Variants in SLC29A3 observed in about 807,000 individuals in gnomAD.
The protein encoded by SLC29A3 is solute carrier family 29 member 3.
A neutral mutation model predicts 25.4 loss-of-function variants in SLC29A3; 18 were observed. The observed-to-expected ratio is 0.71, with a 90% confidence interval of 0.49 to 1.05. The LOEUF is 1.05. Among genes scored for constraint, SLC29A3 ranks in the 50% least tolerant of loss-of-function variants. The probability of loss-of-function intolerance (pLI) is 0.00; values close to 1 mark genes in which losing one functional copy is unlikely to be tolerated. For missense variants in SLC29A3, 586 were observed against 609.0 expected, an observed-to-expected ratio of 0.96 and a Z score of 0.40; for synonymous variants, 258 against 267.1, an observed-to-expected ratio of 0.97 and a Z score of 0.33.
At chr10:71,364,919 C>T (rs772584056), downstream of SLC29A3, 1 of 152,216 alleles carries the variant, frequency 6.6e-6, no homozygotes, top group Non-Finnish European at 1.5e-5. Context: ...TCATCTCAAC[C>T]ACAAGTGTTT....
chr10:71,367,738 G>A (rs550844176), downstream of SLC29A3, among the ~76,000 whole-genome samples: 1 of 152,298 alleles, frequency 6.6e-6, no homozygotes, highest in Admixed American at 6.5e-5. Flanking sequence ...CTGACCCATT[G>A]GCCCTGTGCT....
intron 5 of SLC29A3, among the ~76,000 whole-genome samples, chr10:71,359,739 G>T (rs1474235773): frequency 6.6e-6 from 1 of 152,326 alleles, no homozygotes; most frequent in South Asian, 2.1e-4. Context: ...AGAGAGGGGT[G>T]TGCCTGGCCC....
intron 5 of SLC29A3, among the ~76,000 whole-genome samples, chr10:71,359,453 C>T (rs1160742295): frequency 6.6e-6 from 1 of 152,196 alleles, no homozygotes; most frequent in Admixed American, 6.5e-5. Context: ...TTCCTGAGAG[C>T]AGACTTAAGG....
chr10:71,343,586 G>A (rs891094433), intron 2 of SLC29A3, among the ~76,000 whole-genome samples: 2 of 152,182 alleles, frequency 1.3e-5, no homozygotes, highest in African/African-American at 4.8e-5. Context: ...GAGTTTCCCT[G>A]TAGGGAGCAG....
At chr10:71,374,520 GGT>G (rs35500481) in intron 3 of SLC29A3, among the ~76,000 whole-genome samples, 2 of 151,588 alleles carry the variant, frequency 1.3e-5, no homozygotes, top group African/African-American at 2.4e-5. Context: ...TCCATGTTGG[GGT>G]GTGTGTGTGT....
chr10:71,379,377 G>A lies in SLC29A3; in HGVS notation c.*212-389G>A, dbSNP rs143297814. On this transcript the variant is annotated intron_variant and NMD_transcript_variant, in intron 4 of 4. Transcript: ENST00000642772. ...TTCCATGGCACTAAACCCAAACTAA[G>A]TAGTTACCTGAAAAGAGGTAACAGC... 3.8e-3 allele frequency among the ~76,000 whole-genome samples: 583 copies of A among 152,294 alleles called. 18 individuals are homozygous for A. Among genetic ancestry groups the A allele is most frequent in the Non-Finnish European group, 6.2e-4 (42 of 68,026 alleles).
exon 4 of SLC29A3, chr10:71,375,768 G>A (rs984000416): frequency 6.6e-6 from 1 of 152,220 alleles, no homozygotes; most frequent in African/African-American, 2.4e-5. Context: ...GAAGAACACA[G>A]ACGGCTGTCT....
chr10:71,365,242 A>G (rs1847160350), downstream of SLC29A3: 1 of 151,330 alleles, frequency 6.6e-6, no homozygotes, highest in African/African-American at 2.5e-5. Context: ...AAAAAGAAAA[A>G]AAGAAAGAAA....
chr10:71,379,445 A>G lies in SLC29A3; in HGVS notation c.*212-321A>G, dbSNP rs188658386. ...CAGTTCAAATCTCAATGGTCACAAG[A>G]GTGAATCCCCTCTGCTTTATTCCTT... On this transcript the variant is annotated intron_variant and NMD_transcript_variant, in intron 4 of 4. Transcript: ENST00000642772. Among the ~76,000 whole-genome samples, 64 of 152,368 alleles carry G rather than the reference A, an allele frequency of 4.2e-4. No individual in the cohort carries two copies. In the East Asian group the frequency reaches 0.011, roughly 27 times the overall value.
intron 2 of SLC29A3, among the ~76,000 whole-genome samples, chr10:71,340,448 C>G (rs926448895): frequency 1.3e-5 from 2 of 152,246 alleles, no homozygotes; most frequent in African/African-American, 4.8e-5. Flanking sequence ...CCCAACTCCT[C>G]TATGGCTGGA....
At chr10:71,333,515 A>G (rs914636130) in intron 2 of SLC29A3, among the ~76,000 whole-genome samples, 1 of 152,182 alleles carries the variant, frequency 6.6e-6, no homozygotes, top group African/African-American at 2.4e-5. Context: ...CCTCTTCCTG[A>G]TGGTCCCTAA....
chr10:71,326,820 C>T (rs1006746807), intron 2 of SLC29A3, among the ~76,000 whole-genome samples: 2 of 152,230 alleles, frequency 1.3e-5, no homozygotes, highest in African/African-American at 2.4e-5. Flanking sequence ...TTCAGCTGCC[C>T]GGAGCTCCTG....
At chr10:71,328,120 A>G (rs1589223047) in intron 2 of SLC29A3, among the ~76,000 whole-genome samples, 1 of 152,154 alleles carries the variant, frequency 6.6e-6, no homozygotes, top group Non-Finnish European at 1.5e-5. Flanking sequence ...CGGTCTGCCC[A>G]GGGACTCCTC....
At chr10:71,364,432 T>A (rs1307171353), downstream of SLC29A3, 1 of 152,168 alleles carries the variant, frequency 6.6e-6, no homozygotes, top group East Asian at 1.9e-4. Flanking sequence ...AAGAGTAATT[T>A]ATATTTTTTT....
intron 3 of SLC29A3, among the ~76,000 whole-genome samples, chr10:71,374,466 C>T (rs1847234784): frequency 1.3e-5 from 2 of 152,144 alleles, no homozygotes; most frequent in South Asian, 4.1e-4. Flanking sequence ...AGATAGAGCT[C>T]CATTCTGCTC....
chr10:71,346,598 A>G (rs1343263583), intron 3 of SLC29A3, among the ~76,000 whole-genome samples: 1 of 152,154 alleles, frequency 6.6e-6, no homozygotes, highest in Non-Finnish European at 1.5e-5. Context: ...CCAGCTACTC[A>G]GTAGGCTGAG....
At chr10:71,378,103 G>A (rs1847274434) in intron 4 of SLC29A3, among the ~76,000 whole-genome samples, 1 of 135,870 alleles carries the variant, frequency 7.4e-6, no homozygotes, top group Admixed American at 7.4e-5. Flanking sequence ...GTTGGGGGGG[G>A]GGGTCCTCTT....
chr10:71,341,718 T>C (rs190510739), intron 2 of SLC29A3, among the ~76,000 whole-genome samples: 1 of 152,266 alleles, frequency 6.6e-6, no homozygotes, highest in East Asian at 1.9e-4. Flanking sequence ...GGGCCAGAAG[T>C]CCAGGCACAG....
At chr10:71,372,433 A>C (rs947691165) in intron 3 of SLC29A3, among the ~76,000 whole-genome samples, 1 of 152,180 alleles carries the variant, frequency 6.6e-6, no homozygotes, top group Non-Finnish European at 1.5e-5. Context: ...CATTAGAATC[A>C]CCTGGAGCAC....
Sources: gnomAD v4.1 joint callset for allele counts (sites outside exome capture counted in the v4.1 genomes callset) on GRCh38, gnomAD v4.1.1 for gene constraint, MANE v1.5 for transcripts, NCBI Gene and HGNC (gene_info 2026-07-23, HGNC 2026-07-21) for gene names.